The following KIRREL3 variants were observed in gnomAD, a reference collection of about 807,000 sequenced individuals.
KIRREL3 encodes kin of IRRE-like protein 3.
A neutral mutation model predicts 89.7 loss-of-function variants in KIRREL3; 36 were observed. The ratio of observed to expected loss-of-function variants is 0.40; its 90% CI spans 0.31 to 0.53. The LOEUF (loss-of-function observed/expected upper bound fraction) is 0.53, where lower values mean the gene tolerates loss of function less well. KIRREL3 is among the 20% of genes least tolerant of loss of function. The pLI is 0.49. For missense variants in KIRREL3, 864 were observed against 1,056.6 expected, an observed-to-expected ratio of 0.82 and a Z score of 2.53; for synonymous variants, 445 against 441.4, an observed-to-expected ratio of 1.01 and a Z score of -0.10.
chr11:126,774,645 C>A (rs781381885), intron 1 of KIRREL3, among the ~76,000 whole-genome samples: 2 of 152,120 alleles, frequency 1.3e-5, no homozygotes, highest in Admixed American at 6.5e-5. Context: ...CTGTGCCTTC[C>A]CCAGGGCAGA....
intron 1 of KIRREL3, among the ~76,000 whole-genome samples, chr11:126,567,578 C>G (rs146905044): frequency 1.1e-4 from 16 of 152,350 alleles, no homozygotes; most frequent in Admixed American, 1.3e-4. Context: ...TGGAACCCAG[C>G]CCCCAGAGCA....
chr11:126,963,143 C>T (rs186782160), intron 1 of KIRREL3, among the ~76,000 whole-genome samples: 2 of 152,192 alleles, frequency 1.3e-5, no homozygotes, highest in African/African-American at 4.8e-5. Flanking sequence ...AAGATCTAGC[C>T]AAATAAAAAA....
rs1948521748 is a variant in KIRREL3, at chr11:126,943,479, C to T, written c.55+56976G>A. 6.6e-6 allele frequency among the ~76,000 whole-genome samples: 1 copy of T among 152,174 alleles called. No individual in the cohort carries two copies. The highest frequency in any genetic ancestry group is 6.5e-5 in the Admixed American group (1 of 15,274). ...AATTGCCTAGATGTGATGGCTTTGC[C>T]CATTAGGAGTGTACAAGCATATTTA... On this transcript the variant is annotated intron_variant, in intron 1 of 16. Transcript: ENST00000525144. This position sits in a 1 kb window ranked among gnomAD's most constrained non-coding sequence, Gnocchi z 4.2.
chr11:126,514,328 C>A (rs1276575787), intron 4 of KIRREL3, among the ~76,000 whole-genome samples: 1 of 152,126 alleles, frequency 6.6e-6, no homozygotes, highest in African/African-American at 2.4e-5. Context: ...CAGGCCAGGG[C>A]CCAGGCAAAA....
chr11:126,832,005 A>G (rs1943625339), intron 1 of KIRREL3, among the ~76,000 whole-genome samples: 1 of 152,240 alleles, frequency 6.6e-6, no homozygotes, highest in Non-Finnish European at 1.5e-5. Context: ...TTAAGTCTTT[A>G]TATTTAATTG....
At chr11:126,692,544 CAAAAAAAAAAA>C (rs71048799) in intron 1 of KIRREL3, among the ~76,000 whole-genome samples, 1 of 42,682 alleles carries the variant, frequency 2.3e-5, no homozygotes, top group Admixed American at 4.8e-4. Flanking sequence ...GACTCTGTCT[CAAAAAAAAAAA>C]AAAAAAAAAA....
At chr11:126,828,940 C>A (rs374876590) in intron 1 of KIRREL3, among the ~76,000 whole-genome samples, 3 of 152,126 alleles carry the variant, frequency 2.0e-5, no homozygotes, top group South Asian at 2.1e-4. Flanking sequence ...CCAGGAGAAG[C>A]CAGCAGGAGA....
chr11:126,453,258 G>T (rs1226966121), intron 7 of KIRREL3, among the ~76,000 whole-genome samples: 1 of 151,974 alleles, frequency 6.6e-6, no homozygotes, highest in African/African-American at 2.4e-5. Flanking sequence ...CATCTCGTGT[G>T]GGGGGGCCAC....
Position 126,689,385 on chromosome 11 carries a change from C to G in KIRREL3, c.56-126473G>C, listed in dbSNP as rs1314861258. ...CCCCCTGGGAGCCCAGAGTCCCCAT[C>G]CTTGCATCTCATGATCTATCATTTA... On this transcript the variant is annotated intron_variant, in intron 1 of 16. Transcript: ENST00000525144. The surrounding 1 kb of genome is among the most constrained non-coding windows in gnomAD (Gnocchi z 5.2). 6.6e-6 allele frequency among the ~76,000 whole-genome samples: 1 copy of G among 152,198 alleles called. No individual in the cohort carries two copies. The highest frequency in any genetic ancestry group is 1.5e-5 in the Non-Finnish European group (1 of 68,040).
rs1228047832 is a variant in KIRREL3, at chr11:126,996,003, G to A, written c.55+4452C>T. ...GGGGACCCCATGGTATCCTCTTAGAGCAATGTGAAGGCCTTGACCCCACCC... is the reference window on the plus strand; with the variant it reads ...GGGGACCCCATGGTATCCTCTTAGAACAATGTGAAGGCCTTGACCCCACCC... On this transcript the variant is annotated intron_variant, in intron 1 of 16. Transcript: ENST00000525144. The surrounding 1 kb of genome is among the most constrained non-coding windows in gnomAD (Gnocchi z 4.7). Among the ~76,000 whole-genome samples, 2 of 152,134 alleles carry A rather than the reference G, an allele frequency of 1.3e-5. No homozygotes were observed. The highest frequency in any genetic ancestry group is 4.8e-5 in the African/African-American group (2 of 41,422).
intron 1 of KIRREL3, among the ~76,000 whole-genome samples, chr11:126,822,498 C>A (rs1943259800): frequency 6.6e-6 from 1 of 151,822 alleles, no homozygotes; most frequent in South Asian, 2.1e-4. Flanking sequence ...TTTATGTTTC[C>A]TTAAGAAAGG....
chr11:126,728,242 G>A (rs983774300), intron 1 of KIRREL3, among the ~76,000 whole-genome samples: 1 of 152,026 alleles, frequency 6.6e-6, no homozygotes, highest in Non-Finnish European at 1.5e-5. Flanking sequence ...CTGTAGTCTT[G>A]GGTGAGTCAC....
At chr11:126,637,832 A>G (rs1944325094) in intron 1 of KIRREL3, among the ~76,000 whole-genome samples, 1 of 152,250 alleles carries the variant, frequency 6.6e-6, no homozygotes, top group Non-Finnish European at 1.5e-5. Flanking sequence ...CAATGTGCCA[A>G]GCCTAGCACT....
At chr11:126,929,256 T>C (rs763325079) in intron 1 of KIRREL3, among the ~76,000 whole-genome samples, 1 of 152,122 alleles carries the variant, frequency 6.6e-6, no homozygotes, top group African/African-American at 2.4e-5. Context: ...GATGTGGTCA[T>C]AGTGTAGGGA....
intron 1 of KIRREL3, among the ~76,000 whole-genome samples, chr11:126,930,544 A>G (rs1947906756): frequency 6.6e-6 from 1 of 152,164 alleles, no homozygotes; most frequent in African/African-American, 2.4e-5. Flanking sequence ...CTTCTCTAAG[A>G]AAATATACTT....
Position 126,676,568 on chromosome 11 carries a change from TAGC to T in KIRREL3, c.56-113659_56-113657del, listed in dbSNP as rs1267360012. ...TGCGAGTCCTTTAAAGAACCTCCCA[TAGC>T]AGTCTGTGAATACGTATTCTGAGGG... On this transcript the variant is annotated intron_variant, in intron 1 of 16. Transcript: ENST00000525144. This position sits in a 1 kb window ranked among gnomAD's most constrained non-coding sequence, Gnocchi z 4.5. Among the ~76,000 whole-genome samples the T allele has an allele frequency of 6.6e-6, 1 of 152,124 alleles. No individual in the cohort carries two copies. The highest frequency in any genetic ancestry group is 1.5e-5 in the Non-Finnish European group (1 of 68,010).
At chr11:126,804,164 A>G (rs1951130589) in intron 1 of KIRREL3, among the ~76,000 whole-genome samples, 1 of 152,240 alleles carries the variant, frequency 6.6e-6, no homozygotes, top group Admixed American at 6.5e-5. Flanking sequence ...GGCCAGCAAC[A>G]CGCTAGGAAA....
Position 126,771,266 on chromosome 11 carries a change from T to C in KIRREL3, c.56-208354A>G, listed in dbSNP as rs537234474. Among the ~76,000 whole-genome samples, 2 of 151,990 alleles carry C rather than the reference T, an allele frequency of 1.3e-5. No individual in the cohort carries two copies. The highest frequency in any genetic ancestry group is 3.4e-3 in the Middle Eastern group (1 of 294). On this transcript the variant is annotated intron_variant, in intron 1 of 16. Transcript: ENST00000525144. The surrounding 1 kb of genome is among the most constrained non-coding windows in gnomAD (Gnocchi z 4.4). ...TTTATTCCCTTACTGTTTTTTTTTTTAAACAGATGAGGAAACCGAGGCTTA... is the reference window on the plus strand; with the variant it reads ...TTTATTCCCTTACTGTTTTTTTTTTCAAACAGATGAGGAAACCGAGGCTTA...
intron 1 of KIRREL3, among the ~76,000 whole-genome samples, chr11:126,573,729 C>A (rs974210140): frequency 6.6e-6 from 1 of 152,156 alleles, no homozygotes; most frequent in Non-Finnish European, 1.5e-5. Context: ...ATCCAGAGAG[C>A]TAGATGGAGG....
Sources: gnomAD v4.1 joint callset for allele counts (sites outside exome capture counted in the v4.1 genomes callset) on GRCh38, gnomAD v4.1.1 for gene constraint, Gnocchi (gnomAD v3.1) non-coding constraint, MANE v1.5 for transcripts, NCBI Gene and HGNC (gene_info 2026-07-23, HGNC 2026-07-21) for gene names.